MTMR2: variants seen among roughly 807,000 people sequenced by gnomAD.
MTMR2 encodes the protein phosphatidylinositol-3,5-bisphosphate 3-phosphatase MTMR2.
A neutral mutation model predicts 86.9 loss-of-function variants in MTMR2; 55 were observed. That is an observed-to-expected ratio of 0.63 (90% CI 0.51 to 0.79). The LOEUF is 0.79. Among genes scored for constraint, MTMR2 ranks in the 30% least tolerant of loss-of-function variants. The probability of loss-of-function intolerance (pLI) is 0.00; values close to 1 mark genes in which losing one functional copy is unlikely to be tolerated. For synonymous variants in MTMR2, 241 were observed against 266.8 expected, an observed-to-expected ratio of 0.90 and a Z score of 0.94; for missense variants, 659 against 772.3, an observed-to-expected ratio of 0.85 and a Z score of 1.74.
At chr11:95,917,619 A>G (rs924136638) in intron 1 of MTMR2, among the ~76,000 whole-genome samples, 12 of 152,234 alleles carry the variant, frequency 7.9e-5, no homozygotes, top group East Asian at 7.7e-4. Context: ...TACGGATAAC[A>G]TAAACAGCCC....
At chr11:95,870,793 T>A (rs539510360) in intron 2 of MTMR2, among the ~76,000 whole-genome samples, 3 of 151,612 alleles carry the variant, frequency 2.0e-5, no homozygotes, top group Non-Finnish European at 4.4e-5. Context: ...TGTGCAGGTT[T>A]GTTACATATG....
intron 1 of MTMR2, among the ~76,000 whole-genome samples, chr11:95,900,397 C>G (rs998483435): frequency 4.6e-5 from 7 of 152,070 alleles, no homozygotes; most frequent in African/African-American, 1.4e-4. Flanking sequence ...GTTAACACTA[C>G]CTAATACTAC....
chr11:95,857,304 GAA>G (rs1864247717), intron 7 of MTMR2, among the ~76,000 whole-genome samples: 1 of 151,744 alleles, frequency 6.6e-6, no homozygotes, highest in South Asian at 2.1e-4. Flanking sequence ...TAAAAATAAA[GAA>G]AAGACTATTT....
chr11:95,887,028 T>C (rs1171989247), intron 2 of MTMR2, among the ~76,000 whole-genome samples: 1 of 152,166 alleles, frequency 6.6e-6, no homozygotes, highest in Non-Finnish European at 1.5e-5. Flanking sequence ...TAATTTTTAG[T>C]GATGTTTAAA....
intron 6 of MTMR2, 85 bp downstream of exon 6, chr11:95,858,446 A>G (rs1275846719): frequency 1.8e-5 from 16 of 871,344 alleles, no homozygotes; most frequent in Admixed American, 5.1e-5. Flanking sequence ...ATGTAAATGT[A>G]GAGATTCTAG....
rs144350887 is a variant in MTMR2, at chr11:95,898,630, A to T, written c.81-10369T>A. Reference sequence around the variant, plus strand: ...CCTTGGGTGTTGTTTATATTATGTGATTTTACCAGAAACTATACCTATGTA... The same window carrying T: ...CCTTGGGTGTTGTTTATATTATGTGTTTTTACCAGAAACTATACCTATGTA... On this transcript the variant is annotated intron_variant, in intron 1 of 14. Transcript: ENST00000346299. Among the ~76,000 whole-genome samples, 162 of 152,284 alleles carry T rather than the reference A, an allele frequency of 1.1e-3. 1 individual carries two copies. Among genetic ancestry groups the T allele is most frequent in the Admixed American group, 2.0e-3 (30 of 15,282 alleles).
intron 1 of MTMR2, among the ~76,000 whole-genome samples, chr11:95,905,967 G>A (rs1004970646): frequency 8.5e-5 from 13 of 152,184 alleles, no homozygotes; most frequent in African/African-American, 3.1e-4. Flanking sequence ...GGTTCCGCCT[G>A]TAATACCAGC....
At position 95,833,843 on chromosome 11, in the gene MTMR2, T is replaced by A. The variant is rs564815730; in HGVS notation, c.*1447A>T. On this transcript the variant is annotated 3_prime_UTR_variant, in exon 15 of 15. Transcript: ENST00000346299. ...CCAAAGAAATCATTTTGGTACCAAT[T>A]TTGCTAAATTGGATATACTAATAGA... is the stretch of plus-strand genomic sequence containing the variant. 13 of 152,148 alleles carry A rather than the reference T, an allele frequency of 8.5e-5. No homozygotes were observed. The highest frequency in any genetic ancestry group is 3.1e-4 in the African/African-American group (13 of 41,534). The allele number at this position is 152,148 out of a possible 1,614,324, so 9.4% of individuals were successfully genotyped here.
intron 2 of MTMR2, 41 bp from the exon 3 acceptor site, chr11:95,865,717 A>C: frequency 2.6e-6 from 4 of 1,536,688 alleles, no homozygotes; most frequent in Non-Finnish European, 3.6e-6. Flanking sequence ...TTTTTTATTC[A>C]AAGGCTACTT....
chr11:95,835,775 T>TA (rs1266868329), intron 14 of MTMR2, among the ~76,000 whole-genome samples: 1 of 152,090 alleles, frequency 6.6e-6, no homozygotes, highest in Non-Finnish European at 1.5e-5. Context: ...TTTTTAGTCT[T>TA]AAACAGTTCT....
chr11:95,868,811 T>C (rs1417498383), intron 2 of MTMR2, among the ~76,000 whole-genome samples: 1 of 152,048 alleles, frequency 6.6e-6, no homozygotes. Flanking sequence ...AGGTTATCTA[T>C]AATACCATAT....
At chr11:95,843,429 TA>T (rs921715226) in intron 11 of MTMR2, among the ~76,000 whole-genome samples, 18 of 152,050 alleles carry the variant, frequency 1.2e-4, no homozygotes, top group African/African-American at 3.1e-4. Context: ...AATTTAATGA[TA>T]AAAAAAATTC....
At chr11:95,845,916 C>T (rs963932710) in intron 10 of MTMR2, among the ~76,000 whole-genome samples, 21 of 144,980 alleles carry the variant, frequency 1.4e-4, no homozygotes, top group African/African-American at 5.5e-4. Context: ...ACAATACAGC[C>T]CTATTCTTCT....
chr11:95,867,332 A>G (rs1419678861), intron 2 of MTMR2, among the ~76,000 whole-genome samples: 1 of 152,154 alleles, frequency 6.6e-6, no homozygotes, highest in Admixed American at 6.5e-5. Context: ...CTACATTTCT[A>G]CATTCAGAAA....
chr11:95,841,747 A>AT (rs1213465424), intron 11 of MTMR2, 38 bp from the exon 12 acceptor site: 1 of 1,438,126 alleles, frequency 7.0e-7, no homozygotes, highest in Non-Finnish European at 9.8e-7. Context: ...ACTTAGGGGG[A>AT]TTTTTCATGT....
chr11:95,907,789 A>C, intron 1 of MTMR2: 1 of 364,098 alleles, frequency 2.7e-6, no homozygotes, highest in Non-Finnish European at 5.3e-6. Flanking sequence ...CAGATGCAGA[A>C]AAGGCTTTTG....
At chr11:95,886,521 T>G (rs906901883) in intron 2 of MTMR2, among the ~76,000 whole-genome samples, 2 of 152,166 alleles carry the variant, frequency 1.3e-5, no homozygotes, top group African/African-American at 4.8e-5. Flanking sequence ...TCCTCCTTCA[T>G]CTATCCATTT....
rs1867050693 is a variant in MTMR2, at chr11:95,924,077, G to A, written c.-123C>T. 1 of 1,298,298 alleles carries A rather than the reference G, an allele frequency of 7.7e-7. No homozygotes were observed. Among genetic ancestry groups the A allele is most frequent in the South Asian group, 1.3e-5 (1 of 77,984 alleles). 80.4% of individuals were successfully genotyped at this position (1,298,298 alleles called of 1,614,324 possible). ...CAGGCCAGCGCCGGCCCGGGAGGGAGACCGGAAGCGGCCATGTTCCCCCAG... is the reference window on the plus strand; with the variant it reads ...CAGGCCAGCGCCGGCCCGGGAGGGAAACCGGAAGCGGCCATGTTCCCCCAG... On this transcript the variant is annotated 5_prime_UTR_variant, in exon 1 of 15. Transcript: ENST00000346299.
chr11:95,900,081 C>G (rs1336653324), intron 1 of MTMR2, among the ~76,000 whole-genome samples: 1 of 152,024 alleles, frequency 6.6e-6, no homozygotes. Flanking sequence ...ACTGAATAGA[C>G]AACGGAACGA....
Sources: allele counts gnomAD v4.1 joint callset (sites outside exome capture counted in the v4.1 genomes callset), GRCh38; gene constraint gnomAD v4.1.1; transcripts MANE v1.5; gene names NCBI Gene and HGNC (gene_info 2026-07-23, HGNC 2026-07-21).